MRPL40: variants seen among roughly 807,000 people sequenced by gnomAD.
The protein encoded by MRPL40 is mitochondrial ribosomal protein L40, also known as large ribosomal subunit protein mL40.
MRPL40 carries 18 observed loss-of-function variants against 24.5 expected under a neutral mutation model. That is an observed-to-expected ratio of 0.73 (90% CI 0.51 to 1.09). The LOEUF is 1.09. Among genes scored for constraint, MRPL40 ranks in the 50% least tolerant of loss-of-function variants. The probability of loss-of-function intolerance (pLI) is 0.00; values close to 1 mark genes in which losing one functional copy is unlikely to be tolerated. For missense variants in MRPL40, 256 were observed against 243.8 expected, an observed-to-expected ratio of 1.05 and a Z score of -0.33; for synonymous variants, 108 against 94.6, an observed-to-expected ratio of 1.14 and a Z score of -0.82.
intron 2 of MRPL40, among the ~76,000 whole-genome samples, chr22:19,434,223 T>G (rs2146270122): frequency 7.4e-6 from 1 of 135,476 alleles, no homozygotes. Context: ...GTACTTTTTT[T>G]TTTTTTTTTT....
At chr22:19,435,573 C>T in intron 3 of MRPL40, 65 bp from the exon 4 acceptor site, 7 of 1,429,206 alleles carry the variant, frequency 4.9e-6, no homozygotes, top group Non-Finnish European at 5.8e-6. Flanking sequence ...AATGGGAATA[C>T]TTGTGTCAGT....
intron 1 of MRPL40, 41 bp downstream of exon 1, chr22:19,432,648 G>T (rs2089554028): frequency 6.6e-7 from 1 of 1,526,692 alleles, no homozygotes; most frequent in Non-Finnish European, 8.8e-7. Flanking sequence ...TGCCCAGGGC[G>T]CGTGCGGGGT....
At chr22:19,435,581 A>G in intron 3 of MRPL40, 57 bp from the exon 4 acceptor site, 2 of 1,469,480 alleles carry the variant, frequency 1.4e-6, no homozygotes, top group Non-Finnish European at 1.9e-6. Context: ...TACTTGTGTC[A>G]GTTGCAGTCA....
At chr22:19,434,944 C>CA (rs757149011) in intron 3 of MRPL40, 50 bp downstream of exon 3, 3 of 1,462,136 alleles carry the variant, frequency 2.1e-6, no homozygotes, top group Non-Finnish European at 2.8e-6. Flanking sequence ...GGAGTAATAT[C>CA]AACTTCAGGT....
At chr22:19,434,216 C>CTTTTTTTTTT (rs35856980) in intron 2 of MRPL40, among the ~76,000 whole-genome samples, 1 of 85,302 alleles carries the variant, frequency 1.2e-5, no homozygotes, top group Non-Finnish European at 2.1e-5. Flanking sequence ...TGCTTTTGTA[C>CTTTTTTTTTT]TTTTTTTTTT....
chr22:19,434,216 C>CTTTTTTTTTTTT (rs35856980), intron 2 of MRPL40, among the ~76,000 whole-genome samples: 1 of 85,302 alleles, frequency 1.2e-5, no homozygotes, highest in African/African-American at 5.5e-5. Flanking sequence ...TGCTTTTGTA[C>CTTTTTTTTTTTT]TTTTTTTTTT....
Position 19,435,711 on chromosome 22 carries a change from T to C in MRPL40, c.370T>C (p.Tyr124His), listed in dbSNP as rs753449798. ...TCTGCTTCTGAAGAAGTGGTCCTTGTACAAGCAGCAAGAGCGTAAGATGGA... is the reference window on the plus strand; with the variant it reads ...TCTGCTTCTGAAGAAGTGGTCCTTGCACAAGCAGCAAGAGCGTAAGATGGA... ...RALLLKKWSL[Y>H]KQQERKMERD... Residue 124 changes from tyrosine (Y) to histidine (H), a missense_variant, in exon 4 of 4, where the codon TAC (tyrosine) becomes CAC (histidine). Physicochemically the swap from Tyr to His is moderately conservative, Grantham distance 83 (BLOSUM62 2). Coordinates refer to ENST00000333130, the MANE Select transcript of MRPL40 (RefSeq NM_003776.4). 6.2e-7 allele frequency: 1 copy of C among 1,614,104 alleles called. No homozygotes were observed. The highest frequency in any genetic ancestry group is 8.5e-7 in the Non-Finnish European group (1 of 1,180,012).
intron 2 of MRPL40, among the ~76,000 whole-genome samples, chr22:19,433,581 G>C (rs540111714): frequency 9.2e-5 from 14 of 152,244 alleles, no homozygotes; most frequent in African/African-American, 3.1e-4. Flanking sequence ...TCCTTGAAGG[G>C]ATTCTTGTGT....
chr22:19,435,685 C>CT lies in MRPL40; in HGVS notation c.345dup (p.Leu116SerfsTer15). ...ACCTTTGAGGAGACTGAGAGGAGAG[C>CT]TCTGCTTCTGAAGAAGTGGTCCTTG... On this transcript the variant is annotated frameshift_variant, in exon 4 of 4. Coordinates refer to ENST00000333130, the MANE Select transcript of MRPL40 (RefSeq NM_003776.4). LOFTEE classifies it high-confidence loss of function. 6.2e-7 allele frequency: 1 copy of CT among 1,614,054 alleles called. No homozygotes were observed. The highest frequency in any genetic ancestry group is 8.5e-7 in the Non-Finnish European group (1 of 1,180,012).
Position 19,435,868 on chromosome 22 carries a change from C to G in MRPL40, c.527C>G (p.Pro176Arg). The change falls in exon 4 of 4, where the codon CCA becomes CGA. Residue 176 changes from proline to arginine, a missense_variant. Transcript: ENST00000333130. Reference sequence around the variant, plus strand: ...CTGTTCCCCTTTGAGAAGGAAGGGCCACATTACACACCACCGATCCCTAAC... The same window carrying G: ...CTGTTCCCCTTTGAGAAGGAAGGGCGACATTACACACCACCGATCCCTAAC... ...PNLFPFEKEG[P>R]HYTPPIPNYQ... 6.2e-7 allele frequency: 1 copy of G among 1,614,104 alleles called. No individual in the cohort carries two copies. Among genetic ancestry groups the G allele is most frequent in the South Asian group, 1.1e-5 (1 of 91,070 alleles).
At chr22:19,432,918 G>A in intron 1 of MRPL40, 1 of 1,177,556 alleles carries the variant, frequency 8.5e-7, no homozygotes, top group Non-Finnish European at 1.1e-6. Context: ...CTGTGAAGTG[G>A]GAGAGAATCA....
chr22:19,432,754 C>G, intron 1 of MRPL40, 147 bp downstream of exon 1: 3 of 1,396,742 alleles, frequency 2.1e-6, no homozygotes, highest in Non-Finnish European at 2.8e-6. Context: ...GACTCTTATG[C>G]ATGAAAATCT....
rs1242610048 is a variant in MRPL40, at chr22:19,436,071, C to G, written c.*109C>G. Reference sequence around the variant, plus strand: ...TGCTGTTAATAAATACTGGTTTAATCAAAATGCTCCTTTGTCTTGTGTTAG... The same window carrying G: ...TGCTGTTAATAAATACTGGTTTAATGAAAATGCTCCTTTGTCTTGTGTTAG... On this transcript the variant is annotated 3_prime_UTR_variant, in exon 4 of 4. Coordinates refer to ENST00000333130, the MANE Select transcript of MRPL40 (RefSeq NM_003776.4). The G allele has an allele frequency of 5.1e-6, 5 of 986,182 alleles. No homozygotes were observed. The highest frequency in any genetic ancestry group is 2.5e-5 in the East Asian group (1 of 40,112). The allele number at this position is 986,182 out of a possible 1,614,324, so 61.1% of individuals were successfully genotyped here.
In MRPL40 at chr22:19,432,612, G is replaced by A; in HGVS notation, c.53+5G>A. 5 of 1,551,110 alleles carry A rather than the reference G, an allele frequency of 3.2e-6. No homozygotes were observed. The highest frequency in any genetic ancestry group is 4.4e-6 in the Non-Finnish European group (5 of 1,148,512). On this transcript the variant is annotated splice_donor_5th_base_variant and intron_variant, in intron 1 of 3. Coordinates refer to ENST00000333130, the MANE Select transcript of MRPL40 (RefSeq NM_003776.4). ...AGCCCTGCGCCCGACTAGCGGGTGA[G>A]TGCGGACGCTGGCCGGATAGCGGAG...
chr22:19,435,515 A>G, intron 3 of MRPL40, 123 bp from the exon 4 acceptor site: 1 of 894,350 alleles, frequency 1.1e-6, no homozygotes, highest in East Asian at 2.4e-5. Context: ...TCCATTTCTT[A>G]ATTTGTCCCA....
chr22:19,432,813 CGAAA>C lies in MRPL40; in HGVS notation c.53+209_53+212del, dbSNP rs911749775. 8 of 1,357,676 alleles carry C rather than the reference CGAAA, an allele frequency of 5.9e-6. No individual in the cohort carries two copies. The Admixed American group carries it at 2.5e-4, about 43-fold the overall frequency. 84.1% of individuals were successfully genotyped at this position (1,357,676 alleles called of 1,614,324 possible). ...CTGCTTAAGTCCTCTGTGGTCTGAACGAAAGATTTTGAAAAACCTTCCACGTTGA... is the reference window on the plus strand; with the variant it reads ...CTGCTTAAGTCCTCTGTGGTCTGAACGATTTTGAAAAACCTTCCACGTTGA... On this transcript the variant is annotated intron_variant, in intron 1 of 3. Transcript: ENST00000333130.
chr22:19,435,186 T>A (rs2089578960), intron 3 of MRPL40, among the ~76,000 whole-genome samples: 1 of 152,200 alleles, frequency 6.6e-6, no homozygotes, highest in Non-Finnish European at 1.5e-5. Flanking sequence ...CTGTTTCTGA[T>A]CCCTTGGGCC....
intron 1 of MRPL40, 113 bp from the exon 2 acceptor site, chr22:19,433,152 C>G: frequency 1.5e-6 from 1 of 662,038 alleles, no homozygotes; most frequent in Middle Eastern, 2.8e-4. Flanking sequence ...GTCTTGAACT[C>G]CTGACCTCGC....
intron 2 of MRPL40, 62 bp downstream of exon 2, chr22:19,433,410 AAAGC>A (rs1235231681): frequency 3.9e-6 from 4 of 1,024,358 alleles, no homozygotes; most frequent in Non-Finnish European, 6.1e-6. Context: ...TGTAGAGAAC[AAAGC>A]AAGAATGCTG....
Sources: gnomAD v4.1 joint callset for allele counts (sites outside exome capture counted in the v4.1 genomes callset) on GRCh38, gnomAD v4.1.1 for gene constraint, MANE v1.5 for transcripts, NCBI Gene and HGNC (gene_info 2026-07-23, HGNC 2026-07-21) for gene names.